The following NFIA variants were observed in gnomAD, a reference collection of about 807,000 sequenced individuals.
NFIA encodes nuclear factor 1 A-type.
A neutral mutation model predicts 62.8 loss-of-function variants in NFIA; 8 were observed. That is an observed-to-expected ratio of 0.13 (90% confidence interval 0.07 to 0.23). The LOEUF (loss-of-function observed/expected upper bound fraction) is 0.23. Ranked by LOEUF, NFIA falls within the 10% of genes least tolerant of loss-of-function variation. The probability of loss-of-function intolerance (pLI) is 1.00; values close to 1 mark genes in which losing one functional copy is unlikely to be tolerated. For missense variants in NFIA, 410 were observed against 642.1 expected, an observed-to-expected ratio of 0.64 and a Z score of 3.91; for synonymous variants, 235 against 238.1, an observed-to-expected ratio of 0.99 and a Z score of 0.12.
chr1:61,348,616 G>A (rs1303361094), intron 4 of NFIA, among the ~76,000 whole-genome samples: 1 of 152,166 alleles, frequency 6.6e-6, no homozygotes, highest in African/African-American at 2.4e-5. Flanking sequence ...TGTTTACACA[G>A]GCTTTTCTTT....
At position 61,435,347 on chromosome 1, in the gene NFIA, G is replaced by A. The variant is rs563208271; in HGVS notation, c.1512+8791G>A. Among the ~76,000 whole-genome samples the A allele has an allele frequency of 2.6e-5, 4 of 152,322 alleles. No homozygotes were observed. In the East Asian group the frequency reaches 7.7e-4, roughly 29 times the overall value. On this transcript the variant is annotated intron_variant, in intron 10 of 10. Transcript: ENST00000403491. Reference sequence around the variant, plus strand: ...GAAACCCCAATTAAGTGTGGTTTAAGCCAGTCAGGATTATTTTCCTCCCGT... The same window carrying A: ...GAAACCCCAATTAAGTGTGGTTTAAACCAGTCAGGATTATTTTCCTCCCGT...
intron 7 of NFIA, among the ~76,000 whole-genome samples, chr1:61,401,465 T>G (rs945206840): frequency 6.6e-6 from 1 of 152,332 alleles, no homozygotes; most frequent in South Asian, 2.1e-4. Flanking sequence ...TTTATAACAG[T>G]TAATGAGGAG....
chr1:61,362,637 C>G (rs1663360046), intron 6 of NFIA, among the ~76,000 whole-genome samples: 1 of 152,184 alleles, frequency 6.6e-6, no homozygotes, highest in East Asian at 1.9e-4. Context: ...ATTAGTTTAT[C>G]TCAGCACTTT....
intron 2 of NFIA, among the ~76,000 whole-genome samples, chr1:61,263,145 A>G (rs527782865): frequency 2.0e-5 from 3 of 152,202 alleles, no homozygotes; most frequent in East Asian, 1.9e-4. Flanking sequence ...GTTTTTCCCA[A>G]TAATGATTTG....
rs185270953 is a variant in NFIA, at chr1:61,436,177, C to T, written c.1512+9621C>T. Among the ~76,000 whole-genome samples, 36 of 152,178 alleles carry T rather than the reference C, an allele frequency of 2.4e-4. No homozygotes were observed. The East Asian group carries it at 7.0e-3, about 29-fold the overall frequency. ...TCTGTGAAACAGTGCCCCCTGGGTG[C>T]CCTCCAGAGTGCTTACCAAACAGGC... On this transcript the variant is annotated intron_variant, in intron 10 of 10. Transcript: ENST00000403491.
At chr1:61,207,096 G>A (rs1228503191) in intron 2 of NFIA, among the ~76,000 whole-genome samples, 1 of 152,144 alleles carries the variant, frequency 6.6e-6, no homozygotes, top group African/African-American at 2.4e-5. Context: ...CCCTACATCT[G>A]GGAGGGAATG....
At chr1:61,175,180 T>C (rs898666236) in intron 2 of NFIA, among the ~76,000 whole-genome samples, 1 of 152,018 alleles carries the variant, frequency 6.6e-6, no homozygotes, top group Non-Finnish European at 1.5e-5. Context: ...CTCACTCTCT[T>C]GCCCAGGCTG....
At chr1:61,429,188 AAG>A (rs1208379676) in intron 10 of NFIA, among the ~76,000 whole-genome samples, 6 of 152,184 alleles carry the variant, frequency 3.9e-5, no homozygotes, top group Admixed American at 3.9e-4. Context: ...TTTTAAGAAA[AAG>A]AGTTATTTGA....
At chr1:61,339,233 T>A (rs1416736137) in intron 4 of NFIA, among the ~76,000 whole-genome samples, 2 of 152,216 alleles carry the variant, frequency 1.3e-5, no homozygotes, top group Non-Finnish European at 2.9e-5. Context: ...ACGTCACACA[T>A]TTTATATCTG....
intron 3 of NFIA, among the ~76,000 whole-genome samples, chr1:61,329,528 G>A (rs145540664): frequency 3.8e-4 from 58 of 151,748 alleles, no homozygotes; most frequent in African/African-American, 1.0e-3. Context: ...GATTACAGGC[G>A]CTCGCCACCA....
chr1:61,421,903 T>C (rs1343781570), intron 9 of NFIA, among the ~76,000 whole-genome samples: 1 of 152,236 alleles, frequency 6.6e-6, no homozygotes, highest in Non-Finnish European at 1.5e-5. Flanking sequence ...AACAAACCAA[T>C]GTGAACTCAC....
intron 2 of NFIA, among the ~76,000 whole-genome samples, chr1:61,158,396 T>G (rs1415838080): frequency 6.6e-6 from 1 of 152,206 alleles, no homozygotes; most frequent in Non-Finnish European, 1.5e-5. Context: ...CTACCCTGAT[T>G]TACTAATCAT....
At chr1:61,181,353 A>C (rs1488636214) in intron 2 of NFIA, among the ~76,000 whole-genome samples, 1 of 152,250 alleles carries the variant, frequency 6.6e-6, no homozygotes, top group Non-Finnish European at 1.5e-5. Flanking sequence ...AGTAATGTAC[A>C]TTGTTGTGCA....
chr1:61,104,776 A>G (rs1646567497), intron 2 of NFIA, among the ~76,000 whole-genome samples: 1 of 152,038 alleles, frequency 6.6e-6, no homozygotes, highest in Admixed American at 6.6e-5. Flanking sequence ...TTTAAAACTA[A>G]GATCTTAAAA....
At chr1:61,140,717 G>A (rs935561867) in intron 2 of NFIA, among the ~76,000 whole-genome samples, 4 of 152,042 alleles carry the variant, frequency 2.6e-5, no homozygotes, top group African/African-American at 9.7e-5. Context: ...GGCACAGTTG[G>A]GGAGTGAATT....
At chr1:61,079,038 A>G (rs1367155440), upstream of NFIA, among the ~76,000 whole-genome samples, 27 of 152,220 alleles carry the variant, frequency 1.8e-4, no homozygotes, top group Admixed American at 1.8e-3. Flanking sequence ...TTAAATTCCC[A>G]TCGAGCTATT....
chr1:61,424,596 T>C (rs1477650691), intron 9 of NFIA, among the ~76,000 whole-genome samples: 4 of 152,130 alleles, frequency 2.6e-5, no homozygotes, highest in Admixed American at 2.6e-4. Context: ...TACCTACCTA[T>C]TCATGTGTGA....
At chr1:61,126,476 T>TCACACACACA (rs1211126423) in intron 2 of NFIA, among the ~76,000 whole-genome samples, 25 of 53,496 alleles carry the variant, frequency 4.7e-4, no homozygotes, top group Non-Finnish European at 6.3e-4. Context: ...ACACACACAC[T>TCACACACACA]CACAGAAATA....
intron 2 of NFIA, among the ~76,000 whole-genome samples, chr1:61,199,760 C>T (rs535409056): frequency 2.6e-5 from 4 of 151,418 alleles, no homozygotes; most frequent in African/African-American, 7.3e-5. Flanking sequence ...TTTGGGAGGC[C>T]GAGGTAGGTG....
Sources: allele counts gnomAD v4.1 joint callset (sites outside exome capture counted in the v4.1 genomes callset), GRCh38; gene constraint gnomAD v4.1.1; transcripts MANE v1.5; gene names NCBI Gene and HGNC (gene_info 2026-07-23, HGNC 2026-07-21).